Variants in ZHX3 observed in about 807,000 individuals in gnomAD.
The protein encoded by ZHX3 is zinc fingers and homeoboxes 3.
ZHX3 carries 20 observed loss-of-function variants against 64.5 expected under a neutral mutation model. That is an observed-to-expected ratio of 0.31 (90% CI 0.22 to 0.45). ZHX3 has a LOEUF of 0.45. Ranked by LOEUF, ZHX3 falls within the 20% of genes least tolerant of loss-of-function variation. The pLI is 1.00. For missense variants in ZHX3, 1,041 were observed against 1,195.8 expected (o/e 0.87, Z 1.91); for synonymous variants, 423 against 461.6 (o/e 0.92, Z 1.07).
intron 2 of ZHX3, among the ~76,000 whole-genome samples, chr20:41,218,064 C>T (rs907103957): frequency 5.3e-5 from 8 of 152,092 alleles, no homozygotes; most frequent in African/African-American, 1.9e-4. Flanking sequence ...TCTCATGAGC[C>T]CAGGAGTTTG....
intron 2 of ZHX3, among the ~76,000 whole-genome samples, chr20:41,236,687 A>T (rs1359835571): frequency 6.6e-6 from 1 of 152,194 alleles, no homozygotes; most frequent in Admixed American, 6.5e-5. Context: ...AACCTAGGCA[A>T]TACCATTCAG....
intron 2 of ZHX3, among the ~76,000 whole-genome samples, chr20:41,208,700 T>C (rs917572044): frequency 3.9e-5 from 6 of 152,094 alleles, no homozygotes; most frequent in Non-Finnish European, 8.8e-5. Flanking sequence ...CTCAAAATAA[T>C]AAGAGCTATT....
chr20:41,198,615 G>A, intron 3 of ZHX3, among the ~76,000 whole-genome samples: 1 of 151,270 alleles, frequency 6.6e-6, no homozygotes, highest in East Asian at 1.9e-4. Flanking sequence ...CTCTCTTGCT[G>A]CTTTCAAAAT....
In ZHX3 at chr20:41,202,087, T is replaced by C; in HGVS notation, c.2830A>G (p.Thr944Ala). ...TGACGTCCAGCCTGGGGACTCGATG[T>C]GTCAAAGGGCTCTGAGCTGGCCTCA... is the stretch of plus-strand genomic sequence containing the variant. Reference protein sequence around the residue: ...VPEASSEPFDTSSPQAGRQLE... With the variant: ...VPEASSEPFDASSPQAGRQLE... The change falls in exon 3 of 4, where the codon ACA (threonine) becomes GCA (alanine). Residue 944 changes from threonine to alanine, a missense_variant. Coordinates refer to ENST00000683867, the MANE Select transcript of ZHX3 (RefSeq NM_001384317.1). The surrounding 1 kb of genome is among the most constrained non-coding windows in gnomAD (Gnocchi z 7.0). 1 of 1,608,230 alleles carries C rather than the reference T, an allele frequency of 6.2e-7. No individual in the cohort carries two copies. The highest frequency in any genetic ancestry group is 1.7e-4 in the Middle Eastern group (1 of 6,028).
rs528302339 is a variant in ZHX3, at chr20:41,200,957, G to A, written c.2860+1100C>T. On this transcript the variant is annotated intron_variant, in intron 3 of 3. Transcript: ENST00000683867. The surrounding 1 kb of genome is among the most constrained non-coding windows in gnomAD (Gnocchi z 4.2). ...AAGACATCCTAAGTAGAAAGCAACT[G>A]GGGTGGAGGAGCTGGGATTTGCCAG... Among the ~76,000 whole-genome samples, 1 of 152,354 alleles carries A rather than the reference G, an allele frequency of 6.6e-6. No homozygotes were observed. The highest frequency in any genetic ancestry group is 2.1e-4 in the South Asian group (1 of 4,834).
chr20:41,205,021 G>T lies in ZHX3; in HGVS notation c.-105C>A. ...AGGGCCAAAGAAACAGTTTCTAAAT[G>T]CAGCTTTTTCAGTTGTTTGCAGAAA... On this transcript the variant is annotated 5_prime_UTR_variant, in exon 3 of 4. Coordinates refer to ENST00000683867, the MANE Select transcript of ZHX3 (RefSeq NM_001384317.1). The T allele has an allele frequency of 7.2e-7, 1 of 1,381,732 alleles. No homozygotes were observed. Among genetic ancestry groups the T allele is most frequent in the South Asian group, 2.0e-5 (1 of 49,764 alleles). 85.6% of individuals were successfully genotyped at this position (1,381,732 alleles called of 1,614,324 possible). A position where few individuals can be genotyped will look rare whatever the true frequency, so the allele number is the denominator to read the frequency against.
At position 41,203,374 on chromosome 20, in the gene ZHX3, G is replaced by A. The variant is rs769245157; in HGVS notation, c.1543C>T (p.Arg515Trp). The A allele has an allele frequency of 9.3e-6, 15 of 1,614,132 alleles. No homozygotes were observed. Among genetic ancestry groups the A allele is most frequent in the South Asian group, 2.2e-5 (2 of 91,054 alleles). The change falls in exon 3 of 4, where the codon CGG becomes TGG. Residue 515 changes from arginine (R) to tryptophan (W), a missense_variant. Transcript: ENST00000683867. This position sits in a 1 kb window ranked among gnomAD's most constrained non-coding sequence, Gnocchi z 7.1. ...TCGCTCTGCCCTGGGAACTGGTTCC[G>A]ACAGAAGCTCCCTTTCAGAGCTGAC... ...QLSALKGSFC[R>W]NQFPGQSEVE...
At chr20:41,276,692 G>C (rs2043399221) in intron 1 of ZHX3, among the ~76,000 whole-genome samples, 2 of 152,194 alleles carry the variant, frequency 1.3e-5, no homozygotes, top group Non-Finnish European at 2.9e-5. Context: ...CTTTGTGGTG[G>C]TCTTAGTTAT....
In ZHX3 at chr20:41,284,712, G is replaced by A. The variant is rs569219245; in HGVS notation, c.-244-15629C>T. ...AAATCTGATTGATTGCTCTCATCCTGGAAAGTTTTCGGGAGCCCTTCATCA... is the reference window on the plus strand; with the variant it reads ...AAATCTGATTGATTGCTCTCATCCTAGAAAGTTTTCGGGAGCCCTTCATCA... On this transcript the variant is annotated intron_variant, in intron 1 of 3. Transcript: ENST00000683867. Among the ~76,000 whole-genome samples, 25 of 152,184 alleles carry A rather than the reference G, an allele frequency of 1.6e-4. No individual in the cohort carries two copies. In the East Asian group the frequency reaches 4.6e-3, roughly 28 times the overall value.
At position 41,203,826 on chromosome 20, in the gene ZHX3, G is replaced by C. The variant is rs752526526; in HGVS notation, c.1091C>G (p.Ser364Cys). 8.1e-6 allele frequency: 13 copies of C among 1,614,242 alleles called. No individual in the cohort carries two copies. In the South Asian group the frequency reaches 1.2e-4, roughly 15 times the overall value. Residue 364 changes from serine to cysteine, a missense_variant, in exon 3 of 4, where the codon TCC becomes TGC. By Grantham distance (112) the Ser-to-Cys change is moderately radical. This residue lies in a region of ZHX3 where 28 missense variants were observed against 66.7 expected (regional missense o/e 0.42). Transcript: ENST00000683867. The surrounding 1 kb of genome is among the most constrained non-coding windows in gnomAD (Gnocchi z 7.1). Reference protein sequence around the residue: ...AQRLKQGISWSPEEIEDARKK... With the variant: ...AQRLKQGISWCPEEIEDARKK... ...CCGGGCATCCTCAATCTCCTCAGGGGACCAGCTGATCCCCTGCTTCAGCCT... is the reference window on the plus strand; with the variant it reads ...CCGGGCATCCTCAATCTCCTCAGGGCACCAGCTGATCCCCTGCTTCAGCCT...
At position 41,200,638 on chromosome 20, in the gene ZHX3, T is replaced by C. The variant is rs1281950565; in HGVS notation, c.2860+1419A>G. 1.3e-5 allele frequency among the ~76,000 whole-genome samples: 2 copies of C among 152,176 alleles called. No homozygotes were observed. The highest frequency in any genetic ancestry group is 2.9e-5 in the Non-Finnish European group (2 of 68,024). On this transcript the variant is annotated intron_variant, in intron 3 of 3. Coordinates refer to ENST00000683867, the MANE Select transcript of ZHX3 (RefSeq NM_001384317.1). This position sits in a 1 kb window ranked among gnomAD's most constrained non-coding sequence, Gnocchi z 4.2. ...AGGGAGCCAGTGGCCCTTGTACTCCTACCCTAAGTGCTGACCAGGGCTTTG... is the reference window on the plus strand; with the variant it reads ...AGGGAGCCAGTGGCCCTTGTACTCCCACCCTAAGTGCTGACCAGGGCTTTG...
chr20:41,186,571 C>T (rs944086276), intron 3 of ZHX3, among the ~76,000 whole-genome samples: 2 of 152,196 alleles, frequency 1.3e-5, no homozygotes, highest in South Asian at 2.1e-4. Context: ...ACCACAAAGT[C>T]GTTTCCCAAG....
intron 1 of ZHX3, among the ~76,000 whole-genome samples, chr20:41,312,702 T>A (rs1193775271): frequency 2.6e-5 from 4 of 152,050 alleles, no homozygotes; most frequent in African/African-American, 9.7e-5. Flanking sequence ...ATGAGACAAG[T>A]GGAGGTCTTG....
chr20:41,304,234 T>G (rs570120597), intron 1 of ZHX3, among the ~76,000 whole-genome samples: 1 of 152,294 alleles, frequency 6.6e-6, no homozygotes, highest in East Asian at 1.9e-4. Flanking sequence ...CCTCTTACTC[T>G]ACATACTATA....
In ZHX3 at chr20:41,226,881, G is replaced by T. The variant is rs984692379; in HGVS notation, c.-150-21815C>A. ...GCAGAATGAAGCTGCAGGTACTCAG[G>T]GTCTAAGCCCCCTGGAACAATAGAG... On this transcript the variant is annotated intron_variant, in intron 2 of 3. Transcript: ENST00000683867. This position sits in a 1 kb window ranked among gnomAD's most constrained non-coding sequence, Gnocchi z 4.4. Among the ~76,000 whole-genome samples the T allele has an allele frequency of 1.3e-5, 2 of 152,116 alleles. No homozygotes were observed. Among genetic ancestry groups the T allele is most frequent in the African/African-American group, 4.8e-5 (2 of 41,418 alleles).
intron 2 of ZHX3, among the ~76,000 whole-genome samples, chr20:41,235,801 T>C (rs1184163607): frequency 6.6e-6 from 1 of 152,022 alleles, no homozygotes; most frequent in Non-Finnish European, 1.5e-5. Flanking sequence ...AAATAAAGGG[T>C]ATTCAATTAG....
In ZHX3 at chr20:41,224,977, T is replaced by C. The variant is rs2040168764; in HGVS notation, c.-150-19911A>G. ...TTCACTTTGGCTAGGCTGTAAGCTCTGTAAGTAAGGTCAGGGCCTATATCC... is the reference window on the plus strand; with the variant it reads ...TTCACTTTGGCTAGGCTGTAAGCTCCGTAAGTAAGGTCAGGGCCTATATCC... On this transcript the variant is annotated intron_variant, in intron 2 of 3. Coordinates refer to ENST00000683867, the MANE Select transcript of ZHX3 (RefSeq NM_001384317.1). This position sits in a 1 kb window ranked among gnomAD's most constrained non-coding sequence, Gnocchi z 5.2. Among the ~76,000 whole-genome samples, 1 of 152,262 alleles carries C rather than the reference T, an allele frequency of 6.6e-6. No individual in the cohort carries two copies. Among genetic ancestry groups the C allele is most frequent in the South Asian group, 2.1e-4 (1 of 4,832 alleles).
At chr20:41,281,607 T>C (rs910389749) in intron 1 of ZHX3, among the ~76,000 whole-genome samples, 1 of 152,098 alleles carries the variant, frequency 6.6e-6, no homozygotes, top group Non-Finnish European at 1.5e-5. Context: ...GGAAGAACCA[T>C]AGATGGTAAT....
chr20:41,277,970 GA>G (rs76657989), intron 1 of ZHX3, among the ~76,000 whole-genome samples: 1 of 136,786 alleles, frequency 7.3e-6, no homozygotes, highest in South Asian at 2.6e-4. Context: ...TTTAAGTGTG[GA>G]AAAAAAACTC....
Sources: gnomAD v4.1 joint callset for allele counts (sites outside exome capture counted in the v4.1 genomes callset) on GRCh38, gnomAD v4.1.1 for gene constraint, gnomAD v4.1.1 regional missense constraint, Gnocchi (gnomAD v3.1) non-coding constraint, MANE v1.5 for transcripts, NCBI Gene and HGNC (gene_info 2026-07-23, HGNC 2026-07-21) for gene names.